The following PRKD1 variants were observed in gnomAD, a reference collection of about 807,000 sequenced individuals.
PRKD1 encodes protein kinase D1, also known as serine/threonine-protein kinase D1.
A neutral mutation model predicts 95.9 loss-of-function variants in PRKD1; 63 were observed. The observed-to-expected ratio is 0.66, with a 90% confidence interval of 0.54 to 0.81. The LOEUF is 0.81. PRKD1 is among the 30% of genes least tolerant of loss of function. The probability of loss-of-function intolerance (pLI) is 0.00; values close to 1 mark genes in which losing one functional copy is unlikely to be tolerated. For missense variants in PRKD1, 1,048 were observed against 1,165.3 expected (o/e 0.90, Z 1.47); for synonymous variants, 425 against 423.1 (o/e 1.00, Z -0.05).
chr14:29,599,589 GTAGT>G lies in PRKD1; in HGVS notation c.2067+63_2067+66del, dbSNP rs45438102. ...GACTAAACAACAAGGCTAGAAAGCT[GTAGT>G]TAAACAGTGATAACATTTGATATTA... On this transcript the variant is annotated intron_variant, in intron 14 of 17. Coordinates refer to ENST00000331968, the MANE Select transcript of PRKD1 (RefSeq NM_002742.3). The G allele has an allele frequency of 2.4e-4, 346 of 1,452,982 alleles. 2 individuals carry two copies. The East Asian group carries it at 5.8e-3, about 24-fold the overall frequency. 90.0% of individuals were successfully genotyped at this position (1,452,982 alleles called of 1,614,324 possible). A position where few individuals can be genotyped will look rare whatever the true frequency, so the allele number is the denominator to read the frequency against.
At chr14:29,788,405 T>C (rs1889370726) in intron 1 of PRKD1, among the ~76,000 whole-genome samples, 1 of 152,198 alleles carries the variant, frequency 6.6e-6, no homozygotes, top group Non-Finnish European at 1.5e-5. Flanking sequence ...GAAGACCTTT[T>C]GGAATTGAAT....
chr14:29,584,331 C>G (rs988504081), intron 16 of PRKD1, among the ~76,000 whole-genome samples: 5 of 152,154 alleles, frequency 3.3e-5, no homozygotes, highest in African/African-American at 1.2e-4. Flanking sequence ...TGTGGCTAAA[C>G]TGAAAGGCAT....
intron 1 of PRKD1, among the ~76,000 whole-genome samples, chr14:29,875,140 A>G (rs1052078882): frequency 4.6e-5 from 7 of 152,196 alleles, no homozygotes; most frequent in African/African-American, 1.4e-4. Flanking sequence ...GAGAGATGCA[A>G]CACACCTATC....
intron 1 of PRKD1, among the ~76,000 whole-genome samples, chr14:29,744,761 G>C (rs1309318839): frequency 1.3e-5 from 2 of 152,028 alleles, no homozygotes; most frequent in Non-Finnish European, 2.9e-5. Context: ...TTGCCAAGCT[G>C]GTCTTGAATT....
At chr14:29,645,355 T>C (rs1288566156) in intron 4 of PRKD1, among the ~76,000 whole-genome samples, 1 of 152,134 alleles carries the variant, frequency 6.6e-6, no homozygotes, top group East Asian at 1.9e-4. Flanking sequence ...ACACAATAAC[T>C]AGTGGAATAA....
chr14:29,620,833 A>C (rs4371073), intron 13 of PRKD1, among the ~76,000 whole-genome samples: 79,644 of 150,670 alleles, frequency 0.53, 21,779 homozygotes, highest in East Asian at 0.68. Flanking sequence ...TGGGTGTATA[A>C]CCAAAGGACT....
intron 1 of PRKD1, among the ~76,000 whole-genome samples, chr14:29,845,207 G>C (rs985537815): frequency 1.3e-5 from 2 of 152,138 alleles, no homozygotes; most frequent in East Asian, 3.8e-4. Context: ...GGTATGTCAA[G>C]TTGTTGAGTG....
At chr14:29,681,754 T>C (rs1253764640) in intron 2 of PRKD1, among the ~76,000 whole-genome samples, 1 of 152,212 alleles carries the variant, frequency 6.6e-6, no homozygotes. Context: ...CTGAGAAAGT[T>C]ACATTGTCAT....
chr14:29,804,436 G>A lies in PRKD1; in HGVS notation c.265-78762C>T, dbSNP rs45485604. 4.0e-3 allele frequency among the ~76,000 whole-genome samples: 601 copies of A among 152,038 alleles called. 9 individuals carry two copies. Among genetic ancestry groups the A allele is most frequent in the African/African-American group, 0.014 (561 of 41,476 alleles). Reference sequence around the variant, plus strand: ...CTTTTCTTAATGCTGTCTAACCCACGAACATGTCCAATGTCTTCTTTTTCC... The same window carrying A: ...CTTTTCTTAATGCTGTCTAACCCACAAACATGTCCAATGTCTTCTTTTTCC... On this transcript the variant is annotated intron_variant, in intron 1 of 17. Coordinates refer to ENST00000331968, the MANE Select transcript of PRKD1 (RefSeq NM_002742.3).
chr14:29,790,366 T>C (rs970233195), intron 1 of PRKD1, among the ~76,000 whole-genome samples: 1 of 152,130 alleles, frequency 6.6e-6, no homozygotes, highest in Non-Finnish European at 1.5e-5. Flanking sequence ...AAAAAAAAGA[T>C]TCATAATTTA....
chr14:29,618,588 AT>A (rs1430431100), intron 13 of PRKD1, among the ~76,000 whole-genome samples: 3 of 152,314 alleles, frequency 2.0e-5, no homozygotes, highest in African/African-American at 7.2e-5. Flanking sequence ...CGTCTGAAAC[AT>A]AATAATAGTG....
At chr14:29,608,985 T>A (rs1878225750) in intron 13 of PRKD1, among the ~76,000 whole-genome samples, 1 of 152,164 alleles carries the variant, frequency 6.6e-6, no homozygotes, top group African/African-American at 2.4e-5. Flanking sequence ...TAAATACAAA[T>A]GACATGACTT....
intron 2 of PRKD1, among the ~76,000 whole-genome samples, chr14:29,715,207 T>A (rs1489356570): frequency 6.6e-6 from 1 of 152,114 alleles, no homozygotes; most frequent in East Asian, 1.9e-4. Flanking sequence ...GAAGGTCATT[T>A]TAGTAAAAGT....
At chr14:29,860,887 A>G (rs1892686425) in intron 1 of PRKD1, among the ~76,000 whole-genome samples, 1 of 152,168 alleles carries the variant, frequency 6.6e-6, no homozygotes, top group Admixed American at 6.5e-5. Context: ...CTGACATTCC[A>G]CTAAACCAAC....
intron 1 of PRKD1, among the ~76,000 whole-genome samples, chr14:29,918,364 A>G (rs1362609243): frequency 6.6e-6 from 1 of 152,114 alleles, no homozygotes; most frequent in African/African-American, 2.4e-5. Flanking sequence ...TCAAATAGTA[A>G]TTTACAAAAA....
At chr14:29,805,273 T>A (rs933726866) in intron 1 of PRKD1, among the ~76,000 whole-genome samples, 4 of 152,214 alleles carry the variant, frequency 2.6e-5, no homozygotes, top group Non-Finnish European at 4.4e-5. Context: ...ACCCATTGGC[T>A]GAGGGATACT....
chr14:29,892,276 G>T (rs1175062061), intron 1 of PRKD1, among the ~76,000 whole-genome samples: 1 of 152,088 alleles, frequency 6.6e-6, no homozygotes, highest in Non-Finnish European at 1.5e-5. Flanking sequence ...GCATGCAGGA[G>T]ATATGGGGTA....
At chr14:29,916,016 G>A (rs914073130) in intron 1 of PRKD1, among the ~76,000 whole-genome samples, 1 of 152,118 alleles carries the variant, frequency 6.6e-6, no homozygotes, top group African/African-American at 2.4e-5. Context: ...ATACAGATTG[G>A]CACACAAAGT....
At chr14:29,689,298 G>A (rs1317141020) in intron 2 of PRKD1, among the ~76,000 whole-genome samples, 1 of 151,722 alleles carries the variant, frequency 6.6e-6, no homozygotes, top group Admixed American at 6.6e-5. Flanking sequence ...GTGGGAAAAT[G>A]ACATGAACAG....
Sources: gnomAD v4.1 joint callset for allele counts (sites outside exome capture counted in the v4.1 genomes callset) on GRCh38, gnomAD v4.1.1 for gene constraint, MANE v1.5 for transcripts, NCBI Gene and HGNC (gene_info 2026-07-23, HGNC 2026-07-21) for gene names.